Variants in UQCRC1 observed in about 807,000 individuals in gnomAD.
The protein encoded by UQCRC1 is cytochrome b-c1 complex subunit 1, mitochondrial.
UQCRC1 carries 34 observed loss-of-function variants against 58.0 expected under a neutral mutation model. The ratio of observed to expected loss-of-function variants is 0.59; its 90% CI spans 0.45 to 0.78. The LOEUF (loss-of-function observed/expected upper bound fraction) is 0.78. Among genes scored for constraint, UQCRC1 ranks in the 30% least tolerant of loss-of-function variants. UQCRC1 has a pLI of 0.00. For synonymous variants in UQCRC1, 276 were observed against 248.8 expected (o/e 1.11, Z -1.03); for missense variants, 610 against 646.0 (o/e 0.94, Z 0.60).
At position 48,609,534 on chromosome 3, in the gene UQCRC1, C is replaced by T; in HGVS notation, c.69+18G>A. On this transcript the variant is annotated intron_variant, in intron 1 of 12. Transcript: ENST00000203407. Reference sequence around the variant, plus strand: ...CGAAGCCCTGTCCCGAAGCCCCGCGCTCTCGCCACCACCTCACCGAGCGGC... The same window carrying T: ...CGAAGCCCTGTCCCGAAGCCCCGCGTTCTCGCCACCACCTCACCGAGCGGC... 6.4e-7 allele frequency: 1 copy of T among 1,561,780 alleles called. No homozygotes were observed. Among genetic ancestry groups the T allele is most frequent in the South Asian group, 1.2e-5 (1 of 86,204 alleles).
chr3:48,605,776 A>T lies in UQCRC1; in HGVS notation c.291T>A (p.Ala97=). 1 of 1,613,598 alleles carries T rather than the reference A, an allele frequency of 6.2e-7. No homozygotes were observed. Among genetic ancestry groups the T allele is most frequent in the Non-Finnish European group, 8.5e-7 (1 of 1,179,792 alleles). The change falls in exon 3 of 13, where the codon GCT becomes GCA. Residue 97 remains alanine, a synonymous_variant. Coordinates refer to ENST00000203407, the MANE Select transcript of UQCRC1 (RefSeq NM_003365.3). The part of the protein sequence containing the change: ...NGAGYFLEHL[A]FKGTKNRPGS... ...CAGACTTTAAGAGCCTCACCTTGAAAGCCAGATGCTCCAAAAAGTAGCCTG... is the reference window on the plus strand; with the variant it reads ...CAGACTTTAAGAGCCTCACCTTGAATGCCAGATGCTCCAAAAAGTAGCCTG...
In UQCRC1 at chr3:48,603,689, G is replaced by GT. The variant is rs749786068; in HGVS notation, c.627-47dup. ...GTGTCAACACCTCTACCACACTGGA[G>GT]TGAGTTGGGGTACATGCATGAATGG... is the stretch of plus-strand genomic sequence containing the variant. On this transcript the variant is annotated intron_variant, in intron 5 of 12. Transcript: ENST00000203407. 6 of 1,561,000 alleles carry GT rather than the reference G, an allele frequency of 3.8e-6. No individual in the cohort carries two copies. In the Admixed American group the frequency reaches 1.0e-4, roughly 27 times the overall value.
intron 2 of UQCRC1, 56 bp downstream of exon 2, chr3:48,609,106 G>A (rs1051285100): frequency 2.1e-5 from 33 of 1,562,124 alleles, no homozygotes; most frequent in African/African-American, 2.7e-5. Context: ...CCCAACCAGG[G>A]AAAAGACGGC....
chr3:48,602,393 G>A (rs1168815565), intron 6 of UQCRC1, among the ~76,000 whole-genome samples: 1 of 151,948 alleles, frequency 6.6e-6, no homozygotes, highest in Non-Finnish European at 1.5e-5. Context: ...CTCAAGCCCT[G>A]CTAGTCTGAC....
intron 5 of UQCRC1, 95 bp downstream of exon 5, chr3:48,604,138 C>T: frequency 1.4e-6 from 2 of 1,382,172 alleles, no homozygotes; most frequent in Admixed American, 1.8e-5. Flanking sequence ...AGGAAAATAA[C>T]CCCGACAGCT....
intron 6 of UQCRC1, among the ~76,000 whole-genome samples, chr3:48,602,496 C>T (rs2107844555): frequency 6.6e-6 from 1 of 151,708 alleles, no homozygotes; most frequent in East Asian, 1.9e-4. Context: ...ACTCAGCCGC[C>T]AAGGTCATAA....
intron 3 of UQCRC1, 42 bp from the exon 4 acceptor site, chr3:48,604,822 G>A (rs777190704): frequency 3.7e-6 from 6 of 1,610,318 alleles, no homozygotes; most frequent in Admixed American, 3.3e-5. Context: ...AGCTACACAG[G>A]AACCCAAGAA....
chr3:48,599,050 G>T lies in UQCRC1; in HGVS notation c.*78C>A, dbSNP rs2046335786. The T allele has an allele frequency of 1.3e-6, 2 of 1,542,806 alleles. No individual in the cohort carries two copies. The highest frequency in any genetic ancestry group is 3.4e-5 in the Admixed American group (2 of 58,350). ...TGGTCACCTGTGGCACAGGTTAGAG[G>T]AGCCGAAGTGCTGTGTTTGTGGTGG... On this transcript the variant is annotated 3_prime_UTR_variant, in exon 13 of 13. Transcript: ENST00000203407.
At chr3:48,606,138 TACAAATCCTTAAATTC>T (rs1201260881) in intron 2 of UQCRC1, among the ~76,000 whole-genome samples, 1 of 152,240 alleles carries the variant, frequency 6.6e-6, no homozygotes, top group African/African-American at 2.4e-5. Flanking sequence ...CTCACCAGCA[TACAAATCCTTAAATTC>T]ACTCTCAATT....
In UQCRC1 at chr3:48,604,647, T is replaced by G. The variant is rs533696384; in HGVS notation, c.427+4A>C. On this transcript the variant is annotated splice_donor_region_variant and intron_variant, in intron 4 of 12. Coordinates refer to ENST00000203407, the MANE Select transcript of UQCRC1 (RefSeq NM_003365.3). ...CTGTCCCCGCCTCTTCCTCCAGGTG[T>G]TACCTTTCGGCAGATCCTTGGACAG... is the stretch of plus-strand genomic sequence containing the variant. 813 of 1,614,150 alleles carry G rather than the reference T, an allele frequency of 5.0e-4. 7 individuals carry two copies. In the South Asian group the frequency reaches 8.4e-3, roughly 17 times the overall value.
intron 7 of UQCRC1, 93 bp downstream of exon 7, chr3:48,601,259 A>C: frequency 6.5e-7 from 1 of 1,550,246 alleles, no homozygotes; most frequent in Non-Finnish European, 8.8e-7. Context: ...CCAACTGCTG[A>C]GGTATCTCTG....
At position 48,601,130 on chromosome 3, in the gene UQCRC1, C is replaced by G; in HGVS notation, c.823-12G>C. The G allele has an allele frequency of 6.3e-7, 1 of 1,591,040 alleles. No homozygotes were observed. Among genetic ancestry groups the G allele is most frequent in the Non-Finnish European group, 8.6e-7 (1 of 1,164,286 alleles). On this transcript the variant is annotated splice_polypyrimidine_tract_variant and intron_variant, in intron 7 of 12. Coordinates refer to ENST00000203407, the MANE Select transcript of UQCRC1 (RefSeq NM_003365.3). Reference sequence around the variant, plus strand: ...TCACGGTGGCGGATCTGAAACAGTACATGACAAGGCTGAGGAACAGCCAGA... The same window carrying G: ...TCACGGTGGCGGATCTGAAACAGTAGATGACAAGGCTGAGGAACAGCCAGA...
intron 10 of UQCRC1, 100 bp downstream of exon 10, chr3:48,600,382 G>A (rs143235444): frequency 1.3e-6 from 2 of 1,482,140 alleles, no homozygotes; most frequent in African/African-American, 1.4e-5. Flanking sequence ...GGTCTTCAAA[G>A]TTTTCCTTTC....
At position 48,600,583 on chromosome 3, in the gene UQCRC1, G is replaced by C. The variant is rs753499235; in HGVS notation, c.1128-16C>G. The C allele has an allele frequency of 1.2e-6, 2 of 1,613,962 alleles. No homozygotes were observed. Among genetic ancestry groups the C allele is most frequent in the East Asian group, 4.5e-5 (2 of 44,896 alleles). On this transcript the variant is annotated splice_polypyrimidine_tract_variant and intron_variant, in intron 9 of 12. Transcript: ENST00000203407. Reference sequence around the variant, plus strand: ...CAGGCGCATCCTAAAGTGGGGGGGTGGGTGGTATTCATTCTGAGCCAGTGT... The same window carrying C: ...CAGGCGCATCCTAAAGTGGGGGGGTCGGTGGTATTCATTCTGAGCCAGTGT...
Position 48,599,207 on chromosome 3 carries a change from T to A in UQCRC1, c.1379-15A>T. On this transcript the variant is annotated splice_polypyrimidine_tract_variant and intron_variant, in intron 12 of 12. Transcript: ENST00000203407. ...CTCAATGGGGCCTGTGGGGATAGGGTGGAGCGTCAGGGTGGGGTACCTGGC... is the reference window on the plus strand; with the variant it reads ...CTCAATGGGGCCTGTGGGGATAGGGAGGAGCGTCAGGGTGGGGTACCTGGC... The A allele has an allele frequency of 6.3e-7, 1 of 1,588,602 alleles. No homozygotes were observed. Among genetic ancestry groups the A allele is most frequent in the Non-Finnish European group, 8.6e-7 (1 of 1,163,772 alleles).
At chr3:48,600,354 G>C (rs923443350) in intron 10 of UQCRC1, 128 bp downstream of exon 10, 4 of 1,215,344 alleles carry the variant, frequency 3.3e-6, no homozygotes, top group Non-Finnish European at 2.4e-6. Context: ...CCAAGGGTGG[G>C]GTGATGGGGC....
Position 48,603,649 on chromosome 3 carries a change from A to G in UQCRC1, c.627-6T>C, listed in dbSNP as rs1381479234. The G allele has an allele frequency of 1.2e-6, 2 of 1,613,468 alleles. No individual in the cohort carries two copies. The highest frequency in any genetic ancestry group is 1.7e-4 in the Middle Eastern group (1 of 6,044). On this transcript the variant is annotated splice_region_variant and splice_polypyrimidine_tract_variant and intron_variant, in intron 5 of 12. Transcript: ENST00000203407. The stretch of plus-strand genomic sequence containing the variant: ...AGTCTGCACGAGACAGCTTCCTACA[A>G]GACATATGGTCAGTGTGTCAACACC...
rs8547 is a variant in UQCRC1 at position 48,599,076 on chromosome 3, G to T, written c.*52C>A. On this transcript the variant is annotated 3_prime_UTR_variant, in exon 13 of 13. Transcript: ENST00000203407. The stretch of plus-strand genomic sequence containing the variant: ...AGCCGAAGTGCTGTGTTTGTGGTGG[G>T]GGGGGGACCACAAACCCCGGCCCTG... 20 of 1,595,944 alleles carry T rather than the reference G, an allele frequency of 1.3e-5. No individual in the cohort carries two copies. Among genetic ancestry groups the T allele is most frequent in the African/African-American group, 4.0e-5 (3 of 74,612 alleles).
intron 12 of UQCRC1, 189 bp downstream of exon 12, chr3:48,599,446 G>C (rs1415320835): frequency 1.4e-6 from 1 of 713,214 alleles, no homozygotes; most frequent in Non-Finnish European, 2.3e-6. Context: ...TTGGCAGGCA[G>C]TCAAGGAACT....
Sources: allele counts gnomAD v4.1 joint callset (sites outside exome capture counted in the v4.1 genomes callset), GRCh38; gene constraint gnomAD v4.1.1; transcripts MANE v1.5; gene names NCBI Gene and HGNC (gene_info 2026-07-23, HGNC 2026-07-21).